Variants in NBEA observed in about 807,000 individuals in gnomAD.
NBEA encodes the protein neurobeachin, also known as lysosomal-trafficking regulator 2.
NBEA carries 44 observed loss-of-function variants against 343.4 expected under a neutral mutation model. The ratio of observed to expected loss-of-function variants is 0.13; its 90% CI spans 0.10 to 0.16. NBEA has a LOEUF of 0.16. Ranked by LOEUF, NBEA falls within the 10% of genes least tolerant of loss-of-function variation. NBEA has a pLI of 1.00. For synonymous variants in NBEA, 1,175 were observed against 1,238.7 expected (o/e 0.95, Z 1.08); for missense variants, 2,555 against 3,631.3 (o/e 0.70, Z 7.62).
rs2085606223 is a variant in NBEA at position 35,671,335 on chromosome 13, A to G, written c.*344A>G. ...GGAACCTTGTGTCCAGTTGTTACAA[A>G]GTTTAAGCTTTGAACCTAACCTGCA... On this transcript the variant is annotated 3_prime_UTR_variant, in exon 59 of 59. Coordinates refer to ENST00000379939, the MANE Select transcript of NBEA (RefSeq NM_001385012.1). The G allele has an allele frequency of 5.7e-6, 1 of 175,774 alleles. No homozygotes were observed. The highest frequency in any genetic ancestry group is 2.4e-5 in the African/African-American group (1 of 42,424). The allele number at this position is 175,774 out of a possible 1,614,324, so 10.9% of individuals were successfully genotyped here.
At chr13:35,614,391 T>G (rs1407253463) in intron 48 of NBEA, among the ~76,000 whole-genome samples, 1 of 152,190 alleles carries the variant, frequency 6.6e-6, no homozygotes, top group Non-Finnish European at 1.5e-5. Flanking sequence ...TTTTCTACTT[T>G]CTTCTTCAGG....
intron 45 of NBEA, among the ~76,000 whole-genome samples, chr13:35,579,100 A>C (rs775678349): frequency 6.6e-6 from 1 of 152,156 alleles, no homozygotes; most frequent in Non-Finnish European, 1.5e-5. Flanking sequence ...TAACAGTAGA[A>C]TCCTAGTACC....
At chr13:35,421,211 T>G (rs983481045) in intron 38 of NBEA, among the ~76,000 whole-genome samples, 3 of 152,072 alleles carry the variant, frequency 2.0e-5, no homozygotes, top group Admixed American at 2.0e-4. Context: ...TGTATTCTTT[T>G]GGTTTTCCCT....
chr13:35,194,758 A>G (rs1048514199), intron 30 of NBEA, among the ~76,000 whole-genome samples: 1 of 152,078 alleles, frequency 6.6e-6, no homozygotes. Context: ...ACTTTATTAC[A>G]TTAACCTTTG....
intron 49 of NBEA, among the ~76,000 whole-genome samples, chr13:35,632,899 G>A (rs1446461514): frequency 2.7e-5 from 4 of 149,948 alleles, no homozygotes; most frequent in Non-Finnish European, 4.4e-5. Context: ...CGGCCCCCCT[G>A]TACTATTTTT....
At chr13:34,957,123 T>C (rs777802067) in intron 1 of NBEA, among the ~76,000 whole-genome samples, 78 of 152,280 alleles carry the variant, frequency 5.1e-4, no homozygotes, top group Middle Eastern at 6.8e-3. Context: ...CATAGTGATA[T>C]TTATTTAAAA....
intron 28 of NBEA, 71 bp downstream of exon 28, chr13:35,177,174 GA>G (rs2070962960): frequency 1.7e-6 from 2 of 1,201,254 alleles, no homozygotes; most frequent in African/African-American, 1.5e-5. Flanking sequence ...CGTTTTATAA[GA>G]AAGCTGCTTA....
At chr13:35,103,962 G>C (rs2065786088) in intron 11 of NBEA, among the ~76,000 whole-genome samples, 2 of 151,794 alleles carry the variant, frequency 1.3e-5, no homozygotes, top group African/African-American at 4.8e-5. Context: ...AGTTAGACTA[G>C]TTATCCTAAA....
At position 35,615,101 on chromosome 13, in the gene NBEA, T is replaced by C. The variant is rs187349553; in HGVS notation, c.7449+8523T>C. ...AGTTCAAGGACCAGCCTGGGCAACATGTTGAAACCCCATCTCTACTAAAAA... is the reference window on the plus strand; with the variant it reads ...AGTTCAAGGACCAGCCTGGGCAACACGTTGAAACCCCATCTCTACTAAAAA... On this transcript the variant is annotated intron_variant, in intron 48 of 58. Transcript: ENST00000379939. Among the ~76,000 whole-genome samples the C allele has an allele frequency of 1.4e-4, 20 of 139,814 alleles. No homozygotes were observed. The Admixed American group carries it at 1.5e-3, about 10-fold the overall frequency. The allele number at this position is 139,814 out of a possible 152,430, so 91.7% of individuals were successfully genotyped here.
chr13:35,393,584 T>C (rs2152901426), intron 38 of NBEA, among the ~76,000 whole-genome samples: 1 of 152,274 alleles, frequency 6.6e-6, no homozygotes, highest in South Asian at 2.1e-4. Context: ...TCCTTTTTTG[T>C]TTTTCAGTTT....
In NBEA at chr13:34,996,361, C is replaced by T. The variant is rs145361711; in HGVS notation, c.295-44572C>T. On this transcript the variant is annotated intron_variant, in intron 1 of 58. Coordinates refer to ENST00000379939, the MANE Select transcript of NBEA (RefSeq NM_001385012.1). ...TTTACATCCCATGATAGATACTTGC[C>T]ACCTTATATAGAACTTTTGCCAATA... Among the ~76,000 whole-genome samples, 364 of 151,946 alleles carry T rather than the reference C, an allele frequency of 2.4e-3. 3 individuals carry two copies. The highest frequency in any genetic ancestry group is 0.015 in the South Asian group (71 of 4,818).
chr13:35,329,240 T>G (rs1482914642), intron 36 of NBEA, among the ~76,000 whole-genome samples: 1 of 151,936 alleles, frequency 6.6e-6, no homozygotes, highest in African/African-American at 2.4e-5. Flanking sequence ...ACCATGGTGG[T>G]GGAAGTGCAA....
At chr13:35,640,449 G>A (rs1475194256) in intron 49 of NBEA, among the ~76,000 whole-genome samples, 2 of 152,162 alleles carry the variant, frequency 1.3e-5, no homozygotes, top group Non-Finnish European at 2.9e-5. Context: ...TTACTTATTT[G>A]CCTTCCAACT....
At chr13:35,379,595 C>T (rs1169693644) in intron 38 of NBEA, among the ~76,000 whole-genome samples, 1 of 152,020 alleles carries the variant, frequency 6.6e-6, no homozygotes, top group Non-Finnish European at 1.5e-5. Flanking sequence ...CCTAGTGTGG[C>T]ATCACAAAGA....
chr13:35,193,123 A>G (rs1185083061), intron 30 of NBEA, among the ~76,000 whole-genome samples: 2 of 151,920 alleles, frequency 1.3e-5, no homozygotes, highest in Non-Finnish European at 2.9e-5. Flanking sequence ...TTGTCGCTAT[A>G]ACTATTTAAA....
At chr13:35,548,330 A>G (rs773789709) in intron 41 of NBEA, among the ~76,000 whole-genome samples, 4 of 152,166 alleles carry the variant, frequency 2.6e-5, no homozygotes, top group Non-Finnish European at 4.4e-5. Context: ...TGCTTGCTAT[A>G]ACTAACGTAA....
chr13:35,339,951 G>A (rs2039491028), intron 36 of NBEA, among the ~76,000 whole-genome samples: 1 of 151,946 alleles, frequency 6.6e-6, no homozygotes, highest in South Asian at 2.1e-4. Flanking sequence ...AACCATATTA[G>A]GCACTATCAA....
intron 48 of NBEA, among the ~76,000 whole-genome samples, chr13:35,623,893 T>C (rs991106043): frequency 3.3e-5 from 5 of 152,088 alleles, no homozygotes; most frequent in African/African-American, 1.2e-4. Flanking sequence ...CCAGGAAACA[T>C]GGAAAGCTAT....
chr13:35,031,682 G>T (rs543580428), intron 1 of NBEA, among the ~76,000 whole-genome samples: 4 of 151,460 alleles, frequency 2.6e-5, no homozygotes, highest in African/African-American at 9.7e-5. Context: ...ACATGTGAAG[G>T]TTTGTTACAT....
Sources: gnomAD v4.1 joint callset for allele counts (sites outside exome capture counted in the v4.1 genomes callset) on GRCh38, gnomAD v4.1.1 for gene constraint, MANE v1.5 for transcripts, NCBI Gene and HGNC (gene_info 2026-07-23, HGNC 2026-07-21) for gene names.